Variants in PIP4K2A observed in about 807,000 individuals in gnomAD.
PIP4K2A encodes phosphatidylinositol 5-phosphate 4-kinase type-2 alpha.
A neutral mutation model predicts 42.9 loss-of-function variants in PIP4K2A; 14 were observed. The observed-to-expected ratio is 0.33, with a 90% CI of 0.22 to 0.51. The LOEUF (loss-of-function observed/expected upper bound fraction) is 0.51. Among genes scored for constraint, PIP4K2A ranks in the 20% least tolerant of loss-of-function variants. The probability of loss-of-function intolerance (pLI) is 0.97; values close to 1 mark genes in which losing one functional copy is unlikely to be tolerated. For synonymous variants in PIP4K2A, 192 were observed against 192.2 expected (o/e 1.00, Z 0.01); for missense variants, 434 against 519.8 (o/e 0.83, Z 1.61).
chr10:22,622,392 G>A (rs1056128848), intron 1 of PIP4K2A, among the ~76,000 whole-genome samples: 10 of 152,282 alleles, frequency 6.6e-5, no homozygotes, highest in Non-Finnish European at 1.0e-4. Context: ...AAGAAGCTTC[G>A]GGCACGGGAA....
At chr10:22,674,945 A>G (rs1479779628) in intron 1 of PIP4K2A, among the ~76,000 whole-genome samples, 1 of 152,050 alleles carries the variant, frequency 6.6e-6, no homozygotes. Context: ...CTTGGGCAAC[A>G]AAACAAGACC....
chr10:22,690,404 G>A (rs1839841938), intron 1 of PIP4K2A, among the ~76,000 whole-genome samples: 1 of 152,144 alleles, frequency 6.6e-6, no homozygotes, highest in African/African-American at 2.4e-5. Flanking sequence ...TAAATCATTA[G>A]GGTTCCCCCT....
chr10:22,565,434 C>A (rs10828319), intron 6 of PIP4K2A, among the ~76,000 whole-genome samples: 100,346 of 152,036 alleles, frequency 0.66, 33,471 homozygotes, highest in South Asian at 0.78. Context: ...TGCAATCTCT[C>A]AACATAAATT....
intron 1 of PIP4K2A, among the ~76,000 whole-genome samples, chr10:22,670,441 A>C (rs1839427054): frequency 6.6e-6 from 1 of 152,182 alleles, no homozygotes; most frequent in Admixed American, 6.5e-5. Context: ...TTCCATATGC[A>C]AACAGCTGTG....
At chr10:22,666,597 T>A (rs1441630132) in intron 1 of PIP4K2A, among the ~76,000 whole-genome samples, 1 of 152,228 alleles carries the variant, frequency 6.6e-6, no homozygotes, top group Admixed American at 6.5e-5. Context: ...AGCCCCTGTG[T>A]CAACATCCTG....
At chr10:22,688,083 A>C (rs1282879006) in intron 1 of PIP4K2A, among the ~76,000 whole-genome samples, 2 of 152,242 alleles carry the variant, frequency 1.3e-5, no homozygotes, top group Non-Finnish European at 1.5e-5. Context: ...CACAGACAGG[A>C]GACCCCACAG....
At chr10:22,682,311 G>A (rs760150496) in intron 1 of PIP4K2A, among the ~76,000 whole-genome samples, 1 of 152,076 alleles carries the variant, frequency 6.6e-6, no homozygotes, top group Non-Finnish European at 1.5e-5. Context: ...TTTTAACCTA[G>A]CAACTATCAG....
chr10:22,704,082 G>C (rs755350443), intron 1 of PIP4K2A, among the ~76,000 whole-genome samples: 11 of 152,134 alleles, frequency 7.2e-5, no homozygotes, highest in Non-Finnish European at 1.2e-4. Context: ...GAGCCCAAGA[G>C]GAAAGTTAGA....
At chr10:22,593,894 C>T (rs1205165956) in intron 3 of PIP4K2A, among the ~76,000 whole-genome samples, 3 of 152,182 alleles carry the variant, frequency 2.0e-5, no homozygotes, top group Non-Finnish European at 4.4e-5. Context: ...CTGTATTCAG[C>T]ACAGGATAGA....
intron 1 of PIP4K2A, among the ~76,000 whole-genome samples, chr10:22,687,097 T>C (rs538916586): frequency 2.1e-4 from 31 of 150,512 alleles, no homozygotes; most frequent in Admixed American, 1.9e-3. Context: ...GCATGCTATG[T>C]GACACTATAC....
chr10:22,670,579 A>G (rs1282571891), intron 1 of PIP4K2A, among the ~76,000 whole-genome samples: 1 of 152,178 alleles, frequency 6.6e-6, no homozygotes, highest in Non-Finnish European at 1.5e-5. Context: ...TGCAATTAAT[A>G]ATAGTAATTT....
At chr10:22,711,069 T>G (rs1022140896) in intron 1 of PIP4K2A, among the ~76,000 whole-genome samples, 1 of 152,242 alleles carries the variant, frequency 6.6e-6, no homozygotes, top group Non-Finnish European at 1.5e-5. Flanking sequence ...TTTTCCTTTA[T>G]GTATTCAGTT....
chr10:22,595,572 C>T (rs145294570), intron 3 of PIP4K2A, among the ~76,000 whole-genome samples: 2,080 of 152,218 alleles, frequency 0.014, 47 homozygotes, highest in African/African-American at 0.047. Flanking sequence ...GCCTGGGCAA[C>T]GTGGTGAAAC....
intron 1 of PIP4K2A, chr10:22,713,927 G>C (rs1564475756): frequency 6.3e-6 from 2 of 316,886 alleles, no homozygotes; most frequent in East Asian, 1.1e-4. Flanking sequence ...CACCCACCGT[G>C]AGACTCACAT....
rs1331648365 is a variant in PIP4K2A at position 22,591,761 on chromosome 10, T to C, written c.360A>G (p.Ala120=). 6.2e-7 allele frequency: 1 copy of C among 1,611,268 alleles called. No homozygotes were observed. The highest frequency in any genetic ancestry group is 2.2e-5 in the East Asian group (1 of 44,764). The change falls in exon 4 of 10, where the codon GCA becomes GCG. Residue 120 remains alanine, a synonymous_variant. Coordinates refer to ENST00000376573, the MANE Select transcript of PIP4K2A (RefSeq NM_005028.5). ...QDFQNSLTRS[A]PLPNDSQARS... is the part of the protein sequence containing the mutation. ...GGGCCTGGGAGTCGTTGGGGAGGGG[T>C]GCGCTCCTGGTCAGGGAATTCTTCC...
chr10:22,685,289 G>T (rs891573447), intron 1 of PIP4K2A, among the ~76,000 whole-genome samples: 5 of 152,100 alleles, frequency 3.3e-5, no homozygotes, highest in African/African-American at 1.2e-4. Context: ...TTAGCATCAA[G>T]TCATACTATT....
chr10:22,553,291 G>C lies in PIP4K2A; in HGVS notation c.679-2519C>G, dbSNP rs183007675. 5.4e-3 allele frequency among the ~76,000 whole-genome samples: 819 copies of C among 152,302 alleles called. 11 individuals are homozygous for C. Among genetic ancestry groups the C allele is most frequent in the African/African-American group, 0.018 (743 of 41,570 alleles). The stretch of plus-strand genomic sequence containing the variant: ...GATATCAACCTCCCAAATGCTTGCT[G>C]CAAGACAGAGTGCTCAGGGGCACGA... On this transcript the variant is annotated intron_variant, in intron 6 of 9. Transcript: ENST00000376573.
intron 1 of PIP4K2A, among the ~76,000 whole-genome samples, chr10:22,704,470 T>C (rs1003558600): frequency 1.3e-5 from 2 of 151,776 alleles, no homozygotes; most frequent in Admixed American, 6.6e-5. Context: ...AGACCTCAGC[T>C]TTAGACAAGG....
intron 4 of PIP4K2A, among the ~76,000 whole-genome samples, chr10:22,586,928 C>G (rs1837408565): frequency 6.6e-6 from 1 of 152,126 alleles, no homozygotes; most frequent in South Asian, 2.1e-4. Context: ...GTACTATTAT[C>G]CAAATATTAT....
Sources: allele counts gnomAD v4.1 joint callset (sites outside exome capture counted in the v4.1 genomes callset), GRCh38; gene constraint gnomAD v4.1.1; transcripts MANE v1.5; gene names NCBI Gene and HGNC (gene_info 2026-07-23, HGNC 2026-07-21).